FLI1: variants seen among roughly 807,000 people sequenced by gnomAD.
FLI1 encodes the protein Friend leukemia integration 1 transcription factor.
A neutral mutation model predicts 53.1 loss-of-function variants in FLI1; 13 were observed. That is an observed-to-expected ratio of 0.24 (90% CI 0.16 to 0.39). The LOEUF (loss-of-function observed/expected upper bound fraction) is 0.39, where lower values mean the gene tolerates loss of function less well. FLI1 is among the 10% of genes least tolerant of loss of function. FLI1 has a pLI of 1.00. For synonymous variants in FLI1, 244 were observed against 236.7 expected (o/e 1.03, Z -0.28); for missense variants, 424 against 600.5 (o/e 0.71, Z 3.07).
intron 5 of FLI1, among the ~76,000 whole-genome samples, chr11:128,788,307 T>G (rs562619952): frequency 2.0e-5 from 3 of 151,806 alleles, no homozygotes; most frequent in Non-Finnish European, 2.9e-5. Context: ...CCGTCTCTAC[T>G]AAAAATAAAA....
Position 128,810,580 on chromosome 11 carries a change from G to A in FLI1, c.951G>A (p.Val317=). The change falls in exon 9 of 9, where the codon GTG becomes GTA. Residue 317 remains valine (V), a synonymous_variant. Transcript: ENST00000527786. This position sits in a 1 kb window ranked among gnomAD's most constrained non-coding sequence, Gnocchi z 6.6. ...TCAAAATGACGGACCCCGATGAGGTGGCCAGGCGCTGGGGCGAGCGGAAAA... is the reference window on the plus strand; with the variant it reads ...TCAAAATGACGGACCCCGATGAGGTAGCCAGGCGCTGGGGCGAGCGGAAAA... ...GEFKMTDPDE[V]ARRWGERKSK... is the part of the protein sequence containing the mutation. 1 of 1,613,742 alleles carries A rather than the reference G, an allele frequency of 6.2e-7. No homozygotes were observed. Among genetic ancestry groups the A allele is most frequent in the Middle Eastern group, 1.6e-4 (1 of 6,062 alleles).
upstream of FLI1, among the ~76,000 whole-genome samples, chr11:128,692,501 CA>C (rs1430241638): frequency 6.6e-6 from 1 of 150,772 alleles, no homozygotes; most frequent in Non-Finnish European, 1.5e-5. Flanking sequence ...CCCGCCACTC[CA>C]GGTCTGGTCA....
intron 5 of FLI1, among the ~76,000 whole-genome samples, chr11:128,795,032 C>T (rs567525225): frequency 5.9e-5 from 9 of 152,258 alleles, no homozygotes; most frequent in African/African-American, 1.9e-4. Context: ...GCCAACATTG[C>T]GCCACTTCAC....
intron 1 of FLI1, among the ~76,000 whole-genome samples, chr11:128,716,333 G>A (rs1939012086): frequency 6.6e-6 from 1 of 152,180 alleles, no homozygotes; most frequent in Non-Finnish European, 1.5e-5. Flanking sequence ...GCAGGAGAGG[G>A]GCCCAGTTCC....
At chr11:128,751,809 TG>T (rs796635847) in intron 1 of FLI1, among the ~76,000 whole-genome samples, 2,031 of 144,344 alleles carry the variant, frequency 0.014, 116 homozygotes, top group African/African-American at 0.048. Flanking sequence ...ATTACAGGCG[TG>T]GGTTTTTTTT....
chr11:128,787,888 G>C lies in FLI1; in HGVS notation c.655+5865G>C, dbSNP rs572043715. Among the ~76,000 whole-genome samples, 7 of 147,510 alleles carry C rather than the reference G, an allele frequency of 4.7e-5. No individual in the cohort carries two copies. The Admixed American group carries it at 4.8e-4, about 10-fold the overall frequency. On this transcript the variant is annotated intron_variant, in intron 5 of 8. Transcript: ENST00000527786. ...GTGGCGTGATCTCGGCTCACTGCAA[G>C]CTCCACCTCCCGGGTTCACGCCATT...
intron 1 of FLI1, among the ~76,000 whole-genome samples, chr11:128,711,566 G>A (rs772026267): frequency 1.3e-5 from 2 of 152,206 alleles, no homozygotes; most frequent in Non-Finnish European, 2.9e-5. Flanking sequence ...AATCATGATC[G>A]AATGTTTATT....
rs59243342 is a variant in FLI1 at position 128,738,834 on chromosome 11, C to A, written c.19-19281C>A. Among the ~76,000 whole-genome samples the A allele has an allele frequency of 2.6e-5, 4 of 152,114 alleles. No individual in the cohort carries two copies. In the South Asian group the frequency reaches 8.3e-4, roughly 32 times the overall value. ...TTCCCTTGATGTCAGAACCAAAAAA[C>A]CCAAGCAAAGCAAAGACCCAGGGCT... On this transcript the variant is annotated intron_variant, in intron 1 of 8. Transcript: ENST00000527786.
At chr11:128,731,879 T>C (rs887406914) in intron 1 of FLI1, among the ~76,000 whole-genome samples, 4 of 152,064 alleles carry the variant, frequency 2.6e-5, no homozygotes, top group Non-Finnish European at 5.9e-5. Context: ...GGCACACGCC[T>C]GTAATTCCAG....
At chr11:128,807,264 C>T in intron 7 of FLI1, 25 bp downstream of exon 7, 1 of 1,561,430 alleles carries the variant, frequency 6.4e-7, no homozygotes, top group East Asian at 2.3e-5. Flanking sequence ...TATGTAATCT[C>T]TCCTTTGCTT....
chr11:128,795,302 A>G (rs1053694513), intron 5 of FLI1, among the ~76,000 whole-genome samples: 4 of 152,140 alleles, frequency 2.6e-5, no homozygotes, highest in African/African-American at 9.7e-5. Context: ...CCTCATTCAC[A>G]GGCTATTTAT....
chr11:128,728,923 G>T (rs184348309), intron 1 of FLI1, among the ~76,000 whole-genome samples: 78 of 152,284 alleles, frequency 5.1e-4, no homozygotes, highest in East Asian at 3.7e-3. Context: ...TACTCCAACC[G>T]CCAGAGACAC....
intron 1 of FLI1, among the ~76,000 whole-genome samples, chr11:128,757,104 CT>C (rs1940920808): frequency 6.8e-6 from 1 of 147,164 alleles, no homozygotes; most frequent in African/African-American, 2.6e-5. Flanking sequence ...TTCTTTCTTT[CT>C]TTCTTTCTCT....
At chr11:128,727,543 G>A (rs530804553) in intron 1 of FLI1, among the ~76,000 whole-genome samples, 5 of 152,164 alleles carry the variant, frequency 3.3e-5, no homozygotes, top group South Asian at 2.1e-4. Context: ...TAGTGGTTGC[G>A]GAAAGGGCTG....
intron 5 of FLI1, among the ~76,000 whole-genome samples, chr11:128,797,239 G>A (rs1467624283): frequency 6.6e-6 from 1 of 152,216 alleles, no homozygotes; most frequent in Non-Finnish European, 1.5e-5. Flanking sequence ...TTTAAAATAT[G>A]GGGTTCATCT....
intron 5 of FLI1, among the ~76,000 whole-genome samples, chr11:128,786,523 A>C (rs1322562534): frequency 1.3e-5 from 2 of 152,196 alleles, no homozygotes; most frequent in African/African-American, 2.4e-5. Context: ...TAGGAAGGAT[A>C]CTGGGGTTGC....
At chr11:128,723,388 G>A (rs61907858) in intron 1 of FLI1, among the ~76,000 whole-genome samples, 3,568 of 152,230 alleles carry the variant, frequency 0.023, 65 homozygotes, top group Non-Finnish European at 0.037. Flanking sequence ...GGGTGTCTAC[G>A]TCTCCAGGTG....
rs562050085 is a variant in FLI1, at chr11:128,781,864, T to A, written c.590-94T>A. 15 of 966,416 alleles carry A rather than the reference T, an allele frequency of 1.6e-5. No homozygotes were observed. The African/African-American group carries it at 2.4e-4, about 16-fold the overall frequency. 59.9% of individuals were successfully genotyped at this position (966,416 alleles called of 1,614,324 possible). On this transcript the variant is annotated intron_variant, in intron 4 of 8. Coordinates refer to ENST00000527786, the MANE Select transcript of FLI1 (RefSeq NM_002017.5). ...CTCTGTCCCTCTTCCCCTCTCCCCA[T>A]CTCTTTCCCTTTCTACTCCCTCCTC...
chr11:128,735,737 C>A (rs1591764800), intron 1 of FLI1, among the ~76,000 whole-genome samples: 1 of 152,156 alleles, frequency 6.6e-6, no homozygotes, highest in Admixed American at 6.5e-5. Flanking sequence ...TTCTTATGAA[C>A]TTCCTAGGGC....
Sources: allele counts gnomAD v4.1 joint callset (sites outside exome capture counted in the v4.1 genomes callset), GRCh38; gene constraint gnomAD v4.1.1; non-coding constraint Gnocchi (gnomAD v3.1); transcripts MANE v1.5; gene names NCBI Gene and HGNC (gene_info 2026-07-23, HGNC 2026-07-21).